SOX5: variants seen among roughly 807,000 people sequenced by gnomAD.
SOX5 encodes transcription factor SOX-5.
A neutral mutation model predicts 92.0 loss-of-function variants in SOX5; 9 were observed. The observed-to-expected ratio is 0.10, with a 90% CI of 0.06 to 0.17. The LOEUF is 0.17. Ranked by LOEUF, SOX5 falls within the 10% of genes least tolerant of loss-of-function variation. SOX5 has a pLI of 1.00. For missense variants in SOX5, 642 were observed against 944.5 expected (o/e 0.68, Z 4.20); for synonymous variants, 344 against 336.3 (o/e 1.02, Z -0.25).
intron 4 of SOX5, among the ~76,000 whole-genome samples, chr12:24,212,677 G>C (rs1958756885): frequency 6.6e-6 from 1 of 152,240 alleles, no homozygotes; most frequent in Non-Finnish European, 1.5e-5. Context: ...TCAAAGGCCA[G>C]TGTGGCTCTA....
At chr12:23,663,281 G>C (rs1016899288) in intron 7 of SOX5, among the ~76,000 whole-genome samples, 3 of 152,104 alleles carry the variant, frequency 2.0e-5, no homozygotes, top group Admixed American at 6.6e-5. Flanking sequence ...AAAAGAAGGG[G>C]TATCATTTAT....
rs141443876 is a variant in SOX5, at chr12:24,261,235, C to T, written c.-77+15981G>A. Among the ~76,000 whole-genome samples the T allele has an allele frequency of 2.6e-3, 399 of 152,176 alleles. 2 individuals carry two copies. Among genetic ancestry groups the T allele is most frequent in the African/African-American group, 9.3e-3 (388 of 41,514 alleles). On this transcript the variant is annotated intron_variant, in intron 3 of 4. Coordinates refer to the SOX5 transcript ENST00000446891. ...TCTCTTTTCATACTTTCATTATTCA[C>T]CCTTTGTAGTACTCCAGTCAATGTG...
intron 7 of SOX5, 88 bp from the exon 8 acceptor site, chr12:23,640,985 C>A: frequency 1.1e-6 from 1 of 891,488 alleles, no homozygotes; most frequent in Admixed American, 2.5e-5. Context: ...TTCCAAAAGC[C>A]TTCTTTTGTG....
chr12:24,212,939 T>G (rs181764206), intron 4 of SOX5, among the ~76,000 whole-genome samples: 27 of 152,298 alleles, frequency 1.8e-4, no homozygotes, highest in African/African-American at 6.5e-4. Flanking sequence ...AACTCGATTT[T>G]CATGACCTGG....
intron 6 of SOX5, among the ~76,000 whole-genome samples, chr12:23,705,634 A>G (rs1257560526): frequency 6.6e-6 from 1 of 152,048 alleles, no homozygotes; most frequent in Non-Finnish European, 1.5e-5. Context: ...CCTACCAGGC[A>G]TCTTTATACT....
chr12:24,036,057 T>G (rs577995728), intron 4 of SOX5, among the ~76,000 whole-genome samples: 1 of 152,246 alleles, frequency 6.6e-6, no homozygotes, highest in East Asian at 1.9e-4. Flanking sequence ...CAGAAAATTC[T>G]TATAAAAGGC....
At chr12:24,086,482 G>T (rs1406176160) in intron 4 of SOX5, among the ~76,000 whole-genome samples, 1 of 151,784 alleles carries the variant, frequency 6.6e-6, no homozygotes, top group East Asian at 1.9e-4. Context: ...TGTAAATAAT[G>T]AGGGGCAGGG....
At chr12:23,638,876 T>C (rs1039812450) in intron 8 of SOX5, among the ~76,000 whole-genome samples, 3 of 146,486 alleles carry the variant, frequency 2.0e-5, no homozygotes, top group South Asian at 4.4e-4. Context: ...ATAACGGTTA[T>C]TTTCTCACTG....
At position 24,393,047 on chromosome 12, in the gene SOX5, T is replaced by C. The variant is rs1271918147; in HGVS notation, c.-250-24408A>G. On this transcript the variant is annotated intron_variant, in intron 1 of 4. Coordinates refer to the SOX5 transcript ENST00000446891. The surrounding 1 kb of genome is among the most constrained non-coding windows in gnomAD (Gnocchi z 5.0). ...AGCAGCATATGAGAGGCTTCAATCT[T>C]GAGTGTGTGGGGGCATAAGTATTTT... is the stretch of plus-strand genomic sequence containing the variant. 1.3e-5 allele frequency among the ~76,000 whole-genome samples: 2 copies of C among 152,126 alleles called. No homozygotes were observed. The highest frequency in any genetic ancestry group is 4.8e-5 in the African/African-American group (2 of 41,430).
intron 2 of SOX5, among the ~76,000 whole-genome samples, chr12:24,285,174 A>C (rs1411732207): frequency 6.6e-6 from 1 of 151,948 alleles, no homozygotes; most frequent in Non-Finnish European, 1.5e-5. Flanking sequence ...GTGGCTTCTG[A>C]CTTCCTGCTT....
At chr12:23,570,931 ATATATATATAT>A (rs1263733679) in intron 10 of SOX5, among the ~76,000 whole-genome samples, 269 of 16,616 alleles carry the variant, frequency 0.016, 7 homozygotes, top group African/African-American at 0.019. Context: ...AAAAAAAAAA[ATATATATATAT>A]ATATATATAT....
At chr12:24,449,966 A>G (rs1029228565) in intron 1 of SOX5, among the ~76,000 whole-genome samples, 5 of 152,170 alleles carry the variant, frequency 3.3e-5, no homozygotes, top group African/African-American at 9.7e-5. Context: ...ATTACTACCT[A>G]TCTTTAAGAC....
intron 1 of SOX5, among the ~76,000 whole-genome samples, chr12:24,480,225 C>T (rs1945835400): frequency 6.6e-6 from 1 of 152,058 alleles, no homozygotes; most frequent in African/African-American, 2.4e-5. Flanking sequence ...AAGAATGAAA[C>T]CTAGATCCCT....
At chr12:24,379,282 T>C (rs1479869846) in intron 1 of SOX5, among the ~76,000 whole-genome samples, 2 of 152,244 alleles carry the variant, frequency 1.3e-5, no homozygotes, top group Middle Eastern at 3.4e-3. Context: ...AAAGGCCAAA[T>C]AGAGTGAAAG....
At chr12:23,645,959 C>CTA (rs2080792479) in intron 7 of SOX5, among the ~76,000 whole-genome samples, 1 of 152,132 alleles carries the variant, frequency 6.6e-6, no homozygotes, top group African/African-American at 2.4e-5. Flanking sequence ...TTAGACAAAA[C>CTA]TATAGTCTAT....
chr12:23,676,449 C>T (rs757593491), intron 6 of SOX5, among the ~76,000 whole-genome samples: 2 of 152,154 alleles, frequency 1.3e-5, no homozygotes, highest in Admixed American at 6.6e-5. Context: ...GCTTAAGTGT[C>T]GCTGTCTTTA....
At chr12:24,014,150 C>A (rs891890455) in intron 4 of SOX5, among the ~76,000 whole-genome samples, 18 of 152,148 alleles carry the variant, frequency 1.2e-4, no homozygotes, top group Admixed American at 2.0e-4. Context: ...GGAGATGAAG[C>A]ATGGATTCCA....
chr12:24,284,713 C>A (rs576964833), intron 2 of SOX5, among the ~76,000 whole-genome samples: 1 of 152,280 alleles, frequency 6.6e-6, no homozygotes. Context: ...CATCTATTCC[C>A]TTTGTCTCTC....
chr12:24,247,185 A>G (rs1033431602), intron 3 of SOX5, among the ~76,000 whole-genome samples: 4 of 152,132 alleles, frequency 2.6e-5, no homozygotes, highest in African/African-American at 9.7e-5. Context: ...AACAGGGGGA[A>G]TAAAAGGCCT....
Sources: allele counts gnomAD v4.1 joint callset (sites outside exome capture counted in the v4.1 genomes callset), GRCh38; gene constraint gnomAD v4.1.1; non-coding constraint Gnocchi (gnomAD v3.1); transcripts MANE v1.5; gene names NCBI Gene and HGNC (gene_info 2026-07-23, HGNC 2026-07-21).